Variants in CBFA2T3 observed in about 807,000 individuals in gnomAD.
The protein encoded by CBFA2T3 is transcriptional corepressor CBFA2T3.
Under a neutral mutation model 58.6 loss-of-function variants are expected in CBFA2T3, and 31 were observed. That is an observed-to-expected ratio of 0.53 (90% CI 0.40 to 0.71). The LOEUF (loss-of-function observed/expected upper bound fraction) is 0.71, where lower values mean the gene tolerates loss of function less well. Among genes scored for constraint, CBFA2T3 ranks in the 30% least tolerant of loss-of-function variants. CBFA2T3 has a pLI of 0.00. For missense variants in CBFA2T3, 1,076 were observed against 963.1 expected (o/e 1.12, Z -1.55); for synonymous variants, 531 against 421.9 (o/e 1.26, Z -3.17).
chr16:88,966,325 G>C (rs1972502324), intron 1 of CBFA2T3, among the ~76,000 whole-genome samples: 1 of 152,252 alleles, frequency 6.6e-6, no homozygotes, highest in African/African-American at 2.4e-5. Flanking sequence ...GCAGGAGTGA[G>C]GCCTGTGCCG....
chr16:88,927,218 C>T (rs1292470490), intron 1 of CBFA2T3, among the ~76,000 whole-genome samples: 1 of 152,186 alleles, frequency 6.6e-6, no homozygotes. Flanking sequence ...CAGATGGAGG[C>T]GTGGCTCAGA....
chr16:88,939,480 G>A (rs1208355660), intron 1 of CBFA2T3: 1 of 152,268 alleles, frequency 6.6e-6, no homozygotes, highest in Non-Finnish European at 1.5e-5. Context: ...TCCTGCTCTG[G>A]GCGCTTCTTC....
chr16:88,918,692 A>C (rs1304579421), intron 1 of CBFA2T3, among the ~76,000 whole-genome samples: 1 of 152,242 alleles, frequency 6.6e-6, no homozygotes, highest in African/African-American at 2.4e-5. Flanking sequence ...CCAGCCCAGA[A>C]CATTCTGTCT....
At chr16:88,893,143 C>A (rs1969717468) in intron 3 of CBFA2T3, among the ~76,000 whole-genome samples, 1 of 151,750 alleles carries the variant, frequency 6.6e-6, no homozygotes, top group Non-Finnish European at 1.5e-5. Context: ...CCAAGCAATA[C>A]CCCCACCCCC....
chr16:88,931,847 G>T (rs1483028769), intron 1 of CBFA2T3, among the ~76,000 whole-genome samples: 1 of 152,106 alleles, frequency 6.6e-6, no homozygotes, highest in East Asian at 1.9e-4. Flanking sequence ...GCTCTCAAGG[G>T]GTCACAGTGC....
chr16:88,963,608 T>C (rs1317435066), intron 1 of CBFA2T3, among the ~76,000 whole-genome samples: 1 of 152,150 alleles, frequency 6.6e-6, no homozygotes, highest in Non-Finnish European at 1.5e-5. Context: ...TCGTGGACAT[T>C]CCATAAAATG....
intron 1 of CBFA2T3, among the ~76,000 whole-genome samples, chr16:88,949,675 T>C (rs988255199): frequency 6.6e-6 from 1 of 151,412 alleles, no homozygotes; most frequent in African/African-American, 2.4e-5. Flanking sequence ...GCACTCAAAA[T>C]AACGCTCAAC....
At position 88,956,034 on chromosome 16, in the gene CBFA2T3, C is replaced by T. The variant is rs977737557; in HGVS notation, c.151+20623G>A. Reference sequence around the variant, plus strand: ...ACCCCACCCAAGGATCCTGACCCCACCCAGGGCTCCCGACCCTGCCCAGGG... The same window carrying T: ...ACCCCACCCAAGGATCCTGACCCCATCCAGGGCTCCCGACCCTGCCCAGGG... On this transcript the variant is annotated intron_variant, in intron 1 of 11. Coordinates refer to ENST00000268679, the MANE Select transcript of CBFA2T3 (RefSeq NM_005187.6). 7.4e-4 allele frequency among the ~76,000 whole-genome samples: 113 copies of T among 152,148 alleles called. 1 individual carries two copies. The highest frequency in any genetic ancestry group is 1.8e-4 in the Non-Finnish European group (12 of 68,016).
rs1971625366 is a variant in CBFA2T3, at chr16:88,939,371, A to G, written c.151+37286T>C. 1.3e-5 allele frequency: 2 copies of G among 152,272 alleles called. 1 individual carries two copies. Among genetic ancestry groups the G allele is most frequent in the Admixed American group, 1.3e-4 (2 of 15,280 alleles). 9.4% of individuals were successfully genotyped at this position (152,272 alleles called of 1,614,324 possible). ...TCCCCTGTCACTAGAGGATCCCAGC[A>G]CATCCCAGGAGAGATGGAGCCTGCC... On this transcript the variant is annotated intron_variant, in intron 1 of 11. Coordinates refer to ENST00000268679, the MANE Select transcript of CBFA2T3 (RefSeq NM_005187.6).
At chr16:88,889,265 G>A (rs1157777951) in intron 5 of CBFA2T3, among the ~76,000 whole-genome samples, 1 of 149,884 alleles carries the variant, frequency 6.7e-6, no homozygotes, top group African/African-American at 2.5e-5. Flanking sequence ...ACAGCAGGGC[G>A]TGGGAGGGGG....
In CBFA2T3 at chr16:88,958,492, G is replaced by A. The variant is rs1972286438; in HGVS notation, c.151+18165C>T. Among the ~76,000 whole-genome samples the A allele has an allele frequency of 1.3e-5, 2 of 152,166 alleles. No homozygotes were observed. The highest frequency in any genetic ancestry group is 2.4e-5 in the African/African-American group (1 of 41,436). ...GGGCGTTAGAGTGACACCAGGTCCC[G>A]GTGCAGCGCTCGTGAGTGCCCCACA... On this transcript the variant is annotated intron_variant, in intron 1 of 11. Coordinates refer to ENST00000268679, the MANE Select transcript of CBFA2T3 (RefSeq NM_005187.6). This position sits in a 1 kb window ranked among gnomAD's most constrained non-coding sequence, Gnocchi z 4.0.
chr16:88,901,573 TG>T lies in CBFA2T3; in HGVS notation c.234del (p.Ser79AlafsTer41). ...EVKTQPRSTP[P>X]SMPPPPPAAS... The stretch of plus-strand genomic sequence containing the variant: ...GCGGCAGGCGGTGGGGGCGGCATGC[TG>T]GGGGGTGTGGACCGGGGCTGCGTCT... On this transcript the variant is annotated frameshift_variant, in exon 2 of 12. Transcript: ENST00000268679. LOFTEE classifies it high-confidence loss of function. 17 of 1,494,296 alleles carry T rather than the reference TG, an allele frequency of 1.1e-5. No individual in the cohort carries two copies. The highest frequency in any genetic ancestry group is 2.7e-5 in the Admixed American group (1 of 36,414). The allele number at this position is 1,494,296 out of a possible 1,614,324, so 92.6% of individuals were successfully genotyped here.
At chr16:88,921,204 G>A (rs1289919240) in intron 1 of CBFA2T3, among the ~76,000 whole-genome samples, 1 of 152,262 alleles carries the variant, frequency 6.6e-6, no homozygotes, top group East Asian at 1.9e-4. Context: ...GCCTGCCTCT[G>A]CCATTGTTGA....
chr16:88,956,959 G>T (rs554004972), intron 1 of CBFA2T3, among the ~76,000 whole-genome samples: 2 of 151,252 alleles, frequency 1.3e-5, no homozygotes, highest in African/African-American at 2.4e-5. Context: ...AACCACAGAA[G>T]AAGTGGCTCA....
At chr16:88,920,250 C>A (rs1236054006) in intron 1 of CBFA2T3, among the ~76,000 whole-genome samples, 1 of 152,196 alleles carries the variant, frequency 6.6e-6, no homozygotes, top group East Asian at 1.9e-4. Flanking sequence ...TGAAAGGAAG[C>A]CCTATGAGGG....
chr16:88,876,695 A>G lies in CBFA2T3; in HGVS notation c.*281T>C. On this transcript the variant is annotated 3_prime_UTR_variant, in exon 12 of 12. Transcript: ENST00000268679. ...GCATCTGCTCTGCTGTCTAAAGCTC[A>G]GTCGAGGCTTCTGAGGATGCTTGAA... 2.5e-6 allele frequency: 1 copy of G among 405,290 alleles called. No individual in the cohort carries two copies. Among genetic ancestry groups the G allele is most frequent in the Non-Finnish European group, 4.4e-6 (1 of 229,608 alleles). The allele number at this position is 405,290 out of a possible 1,614,324, so 25.1% of individuals were successfully genotyped here.
At chr16:88,895,888 G>T (rs1969870198) in intron 3 of CBFA2T3, among the ~76,000 whole-genome samples, 1 of 152,194 alleles carries the variant, frequency 6.6e-6, no homozygotes, top group African/African-American at 2.4e-5. Context: ...TCGGCGCCTA[G>T]CCTCAGTTTC....
chr16:88,882,662 G>A lies in CBFA2T3; in HGVS notation c.1203+14C>T, dbSNP rs1343410191. The A allele has an allele frequency of 6.5e-7, 1 of 1,546,392 alleles. No individual in the cohort carries two copies. Among genetic ancestry groups the A allele is most frequent in the African/African-American group, 1.4e-5 (1 of 73,882 alleles). On this transcript the variant is annotated intron_variant, in intron 8 of 11. Transcript: ENST00000268679. ...GGCATGGCTGTGTGGGCGTGGCTGT[G>A]TGTGGACACTCACGTTGTTGAGGTG...
intron 1 of CBFA2T3, among the ~76,000 whole-genome samples, chr16:88,964,490 G>A (rs1458675741): frequency 4.6e-5 from 7 of 152,202 alleles, no homozygotes; most frequent in Admixed American, 4.6e-4. Context: ...AAGAAAGATT[G>A]CACTTCACTA....
Sources: gnomAD v4.1 joint callset for allele counts (sites outside exome capture counted in the v4.1 genomes callset) on GRCh38, gnomAD v4.1.1 for gene constraint, Gnocchi (gnomAD v3.1) non-coding constraint, MANE v1.5 for transcripts, NCBI Gene and HGNC (gene_info 2026-07-23, HGNC 2026-07-21) for gene names.